The following SGO2 variants were observed in gnomAD, a reference collection of about 807,000 sequenced individuals.
SGO2 encodes shugoshin-like 2.
A neutral mutation model predicts 99.5 loss-of-function variants in SGO2; 68 were observed. The ratio of observed to expected loss-of-function variants is 0.68; its 90% CI spans 0.56 to 0.84. The LOEUF (loss-of-function observed/expected upper bound fraction) is 0.84. Ranked by LOEUF, SGO2 falls within the 40% of genes least tolerant of loss-of-function variation. SGO2 has a pLI of 0.00. For synonymous variants in SGO2, 457 were observed against 487.1 expected (o/e 0.94, Z 0.81); for missense variants, 1,350 against 1,436.7 (o/e 0.94, Z 0.97).
intron 5 of SGO2, among the ~76,000 whole-genome samples, chr2:200,547,923 A>G (rs946666370): frequency 9.2e-5 from 14 of 151,882 alleles, no homozygotes; most frequent in African/African-American, 2.9e-4. Flanking sequence ...CTATATGATT[A>G]AGGGGTCAAT....
intron 8 of SGO2, among the ~76,000 whole-genome samples, chr2:200,577,372 G>A (rs2033701485): frequency 6.6e-6 from 1 of 151,978 alleles, no homozygotes; most frequent in Non-Finnish European, 1.5e-5. Context: ...TTTTCAGTTG[G>A]GTCATTTGCC....
chr2:200,536,733 C>A (rs2031713400), intron 4 of SGO2, among the ~76,000 whole-genome samples: 1 of 152,124 alleles, frequency 6.6e-6, no homozygotes, highest in South Asian at 2.1e-4. Context: ...ATTTAACAGA[C>A]TAACTTTTGC....
At chr2:200,534,783 A>G (rs1036472040) in intron 2 of SGO2, among the ~76,000 whole-genome samples, 7 of 152,158 alleles carry the variant, frequency 4.6e-5, no homozygotes, top group African/African-American at 1.7e-4. Context: ...CATTCCTCAC[A>G]ACTCTTGAAT....
intron 5 of SGO2, among the ~76,000 whole-genome samples, chr2:200,553,145 C>A (rs531690523): frequency 1.3e-5 from 2 of 152,256 alleles, no homozygotes; most frequent in Admixed American, 6.5e-5. Context: ...CTCTTGAGTT[C>A]TGACAAAAGG....
intron 8 of SGO2, among the ~76,000 whole-genome samples, chr2:200,578,935 C>T (rs181244405): frequency 9.2e-5 from 14 of 152,168 alleles, no homozygotes; most frequent in Non-Finnish European, 1.0e-4. Context: ...CACTGTTGAC[C>T]TTTGGGGCTA....
At chr2:200,578,872 C>A (rs2033749213) in intron 8 of SGO2, among the ~76,000 whole-genome samples, 2 of 152,092 alleles carry the variant, frequency 1.3e-5, no homozygotes, top group Admixed American at 1.3e-4. Context: ...TTTGTTGTTA[C>A]AAATGAATCT....
chr2:200,573,785 A>G lies in SGO2; in HGVS notation c.3439A>G (p.Ile1147Val). The change falls in exon 7 of 9, where the codon ATA becomes GTA. Residue 1147 changes from isoleucine (I) to valine (V), a missense_variant. Ile to Val is a conservative substitution (Grantham distance 29, BLOSUM62 3). Transcript: ENST00000357799. Reference sequence around the variant, plus strand: ...TTTGTCTGAGATACATTCACCTAACATACAAGATTCTTCCTTTGACAGTGT... The same window carrying G: ...TTTGTCTGAGATACATTCACCTAACGTACAAGATTCTTCCTTTGACAGTGT... ...RSLSEIHSPN[I>V]QDSSFDSVRE... 6.2e-7 allele frequency: 1 copy of G among 1,612,468 alleles called. No individual in the cohort carries two copies. Among genetic ancestry groups the G allele is most frequent in the Non-Finnish European group, 8.5e-7 (1 of 1,179,170 alleles).
In SGO2 at chr2:200,572,685, C is replaced by G. The variant is rs371134050; in HGVS notation, c.2339C>G (p.Ser780Cys). 1.2e-6 allele frequency: 2 copies of G among 1,612,078 alleles called. No homozygotes were observed. Among genetic ancestry groups the G allele is most frequent in the African/African-American group, 1.3e-5 (1 of 74,882 alleles). Residue 780 changes from serine (S) to cysteine (C), a missense_variant, in exon 7 of 9, where the codon TCT becomes TGT. Coordinates refer to ENST00000357799, the MANE Select transcript of SGO2 (RefSeq NM_152524.6). The part of the protein sequence containing the change: ...STKDSGNLYD[S>C]EIQNVLGVKH... ...AAAGATAGTGGAAACCTGTATGATTCTGAGATTCAAAATGTTTTGGGGGTG... is the reference window on the plus strand; with the variant it reads ...AAAGATAGTGGAAACCTGTATGATTGTGAGATTCAAAATGTTTTGGGGGTG...
In SGO2 at chr2:200,583,973, A is replaced by T. The variant is rs979816664; in HGVS notation, c.*509A>T. ...CTTCTGTATTATTTCTATTATATGT[A>T]ATCTGATGACTTAGAGGAGGAGATT... is the stretch of plus-strand genomic sequence containing the variant. On this transcript the variant is annotated 3_prime_UTR_variant, in exon 9 of 9. Transcript: ENST00000357799. 2.0e-5 allele frequency among the ~76,000 whole-genome samples: 3 copies of T among 152,196 alleles called. No homozygotes were observed. The East Asian group carries it at 5.8e-4, about 29-fold the overall frequency.
Position 200,573,317 on chromosome 2 carries a change from T to G in SGO2, c.2971T>G (p.Ser991Ala). Residue 991 changes from serine to alanine, a missense_variant, in exon 7 of 9, where the codon TCA becomes GCA. Coordinates refer to ENST00000357799, the MANE Select transcript of SGO2 (RefSeq NM_152524.6). ...AGTTAAAAAACGTAAGAAAGAATCA[T>G]CATGCAAGGCAAAGAACATTTTGAC... The part of the protein sequence containing the change: ...KVVKKRKKES[S>A]CKAKNILTKA... The G allele has an allele frequency of 6.2e-7, 1 of 1,605,506 alleles. No homozygotes were observed. Among genetic ancestry groups the G allele is most frequent in the South Asian group, 1.1e-5 (1 of 88,328 alleles).
chr2:200,551,258 A>T (rs1275824790), intron 5 of SGO2, among the ~76,000 whole-genome samples: 1 of 152,198 alleles, frequency 6.6e-6, no homozygotes, highest in Admixed American at 6.5e-5. Flanking sequence ...GTGTGGATAA[A>T]GTATGGAAGA....
Position 200,573,002 on chromosome 2 carries a change from T to G in SGO2, c.2656T>G (p.Leu886Val). The G allele has an allele frequency of 4.4e-6, 7 of 1,576,668 alleles. No individual in the cohort carries two copies. Among genetic ancestry groups the G allele is most frequent in the Non-Finnish European group, 6.0e-6 (7 of 1,166,690 alleles). ...CDYDTQNILE[L>V]KKYVTDRKSA... ...TTATGACACCCAGAATATATTGGAG[T>G]TGAAAAAGTATGTTACTGATAGGAA... The change falls in exon 7 of 9, where the codon TTG becomes GTG. Residue 886 changes from leucine to valine, a missense_variant. By Grantham distance (32) the Leu-to-Val change is conservative. Transcript: ENST00000357799.
chr2:200,554,634 C>T (rs1212953344), intron 5 of SGO2, among the ~76,000 whole-genome samples: 1 of 152,164 alleles, frequency 6.6e-6, no homozygotes, highest in African/African-American at 2.4e-5. Context: ...TGATTAATAA[C>T]ATACACTAAG....
intron 1 of SGO2, among the ~76,000 whole-genome samples, chr2:200,530,563 G>A (rs1414251011): frequency 6.6e-6 from 1 of 152,142 alleles, no homozygotes; most frequent in African/African-American, 2.4e-5. Context: ...GAGACTGTAT[G>A]AAATCACCAA....
At chr2:200,574,452 T>G (rs2033578251) in intron 7 of SGO2, among the ~76,000 whole-genome samples, 1 of 152,028 alleles carries the variant, frequency 6.6e-6, no homozygotes. Flanking sequence ...CCAACCCCCT[T>G]TCCTCAGATT....
rs1041259856 is a variant in SGO2 at position 200,526,473 on chromosome 2, T to C, written c.-3+221T>C. 2.6e-5 allele frequency among the ~76,000 whole-genome samples: 4 copies of C among 152,200 alleles called. No homozygotes were observed. Among genetic ancestry groups the C allele is most frequent in the Admixed American group, 2.0e-4 (3 of 15,284 alleles). On this transcript the variant is annotated intron_variant, in intron 1 of 8. Coordinates refer to ENST00000357799, the MANE Select transcript of SGO2 (RefSeq NM_152524.6). This position sits in a 1 kb window ranked among gnomAD's most constrained non-coding sequence, Gnocchi z 4.8. ...GTCGCTGCCTCTTGTTTCTGAGATTTGAGCGTCCGGCAGGGCGAGCGGGGA... is the reference window on the plus strand; with the variant it reads ...GTCGCTGCCTCTTGTTTCTGAGATTCGAGCGTCCGGCAGGGCGAGCGGGGA...
intron 5 of SGO2, among the ~76,000 whole-genome samples, chr2:200,564,956 G>A (rs1056119840): frequency 7.9e-5 from 12 of 152,028 alleles, no homozygotes; most frequent in East Asian, 5.8e-4. Context: ...TATGTGTGTC[G>A]CTGCACATGA....
At chr2:200,551,460 G>A (rs866004347) in intron 5 of SGO2, among the ~76,000 whole-genome samples, 2 of 152,126 alleles carry the variant, frequency 1.3e-5, no homozygotes, top group African/African-American at 2.4e-5. Flanking sequence ...GGCTGGGAAG[G>A]GGGAGAGAGG....
intron 5 of SGO2, among the ~76,000 whole-genome samples, chr2:200,546,261 GAGAATGACGTGAACCC>G: frequency 6.7e-6 from 1 of 148,310 alleles, no homozygotes; most frequent in East Asian, 2.0e-4. Context: ...GCTGAGGCAG[GAGAATGACGTGAACCC>G]AGAAGGCGGA....
Sources: allele counts gnomAD v4.1 joint callset (sites outside exome capture counted in the v4.1 genomes callset), GRCh38; gene constraint gnomAD v4.1.1; non-coding constraint Gnocchi (gnomAD v3.1); transcripts MANE v1.5; gene names NCBI Gene and HGNC (gene_info 2026-07-23, HGNC 2026-07-21).